PLD5: variants seen among roughly 807,000 people sequenced by gnomAD.
PLD5 encodes phospholipase D family member 5.
In PLD5, 36 loss-of-function variants were observed where a neutral mutation model predicts 61.1. The ratio of observed to expected loss-of-function variants is 0.59; its 90% CI spans 0.45 to 0.78. The LOEUF (loss-of-function observed/expected upper bound fraction) is 0.78. PLD5 is among the 30% of genes least tolerant of loss of function. PLD5 has a pLI of 0.00. For missense variants in PLD5, 515 were observed against 644.4 expected, an observed-to-expected ratio of 0.80 and a Z score of 2.17; for synonymous variants, 243 against 242.8, an observed-to-expected ratio of 1.00 and a Z score of -0.01.
At chr1:242,398,752 CA>C (rs1450783519) in intron 1 of PLD5, among the ~76,000 whole-genome samples, 1 of 152,164 alleles carries the variant, frequency 6.6e-6, no homozygotes, top group Non-Finnish European at 1.5e-5. Flanking sequence ...AGAAAATATG[CA>C]AAAGCCTTTT....
At chr1:242,247,172 C>T (rs953071291) in intron 4 of PLD5, among the ~76,000 whole-genome samples, 18 of 151,980 alleles carry the variant, frequency 1.2e-4, no homozygotes, top group African/African-American at 2.9e-4. Flanking sequence ...TTAGTAGAGA[C>T]GGGGTTTCAC....
intron 1 of PLD5, among the ~76,000 whole-genome samples, chr1:242,443,693 G>A (rs991489157): frequency 6.6e-6 from 1 of 152,138 alleles, no homozygotes; most frequent in Admixed American, 6.6e-5. Context: ...AGAAAGTTTT[G>A]CTATTATTCT....
intron 5 of PLD5, among the ~76,000 whole-genome samples, chr1:242,145,262 C>A (rs1053341784): frequency 1.3e-5 from 2 of 152,152 alleles, no homozygotes; most frequent in African/African-American, 4.8e-5. Context: ...TGAGAACCAT[C>A]TCACAGAAAT....
Position 242,287,768 on chromosome 1 carries a change from T to C in PLD5, c.495+594A>G, listed in dbSNP as rs181351306. Among the ~76,000 whole-genome samples the C allele has an allele frequency of 3.6e-3, 546 of 152,360 alleles. 1 individual carries two copies. The highest frequency in any genetic ancestry group is 0.013 in the African/African-American group (523 of 41,586). On this transcript the variant is annotated intron_variant, in intron 3 of 9. Coordinates refer to ENST00000536534, the MANE Select transcript of PLD5 (RefSeq NM_001372062.1). Reference sequence around the variant, plus strand: ...ATTTTCTTACACCCAGAGCATTTTATTCAGAAATTGTTTAGATCATTAAGT... The same window carrying C: ...ATTTTCTTACACCCAGAGCATTTTACTCAGAAATTGTTTAGATCATTAAGT...
chr1:242,225,630 G>T (rs1192067841), intron 4 of PLD5, among the ~76,000 whole-genome samples: 1 of 151,298 alleles, frequency 6.6e-6, no homozygotes, highest in African/African-American at 2.4e-5. Context: ...CCTTGCTGTT[G>T]AGTGATATTT....
chr1:242,418,200 A>T (rs1424568775), intron 1 of PLD5, among the ~76,000 whole-genome samples: 1 of 152,214 alleles, frequency 6.6e-6, no homozygotes, highest in Non-Finnish European at 1.5e-5. Context: ...AACAGAGTCA[A>T]GAAAAACCCT....
At chr1:242,128,283 C>T (rs942389454) in intron 5 of PLD5, among the ~76,000 whole-genome samples, 2 of 148,612 alleles carry the variant, frequency 1.3e-5, no homozygotes, top group Non-Finnish European at 3.0e-5. Flanking sequence ...CTAGCCTGGG[C>T]AACAGAGCAA....
At position 242,434,683 on chromosome 1, in the gene PLD5, G is replaced by A. The variant is rs139376365; in HGVS notation, c.190-86441C>T. Among the ~76,000 whole-genome samples the A allele has an allele frequency of 2.6e-4, 40 of 152,022 alleles. 1 individual carries two copies. The East Asian group carries it at 7.4e-3, about 28-fold the overall frequency. On this transcript the variant is annotated intron_variant, in intron 1 of 9. Coordinates refer to ENST00000536534, the MANE Select transcript of PLD5 (RefSeq NM_001372062.1). Reference sequence around the variant, plus strand: ...GGCTAGAGTGTAGTGGTGCAATCTCGGCTCACTGCAAGCTCCGCCTCCCAG... The same window carrying A: ...GGCTAGAGTGTAGTGGTGCAATCTCAGCTCACTGCAAGCTCCGCCTCCCAG...
At chr1:242,504,905 C>T (rs1668671946) in intron 1 of PLD5, among the ~76,000 whole-genome samples, 1 of 152,086 alleles carries the variant, frequency 6.6e-6, no homozygotes, top group East Asian at 1.9e-4. Flanking sequence ...CCTGCAATTC[C>T]AGTACTTTGG....
chr1:242,314,820 CT>C (rs1293936816), intron 2 of PLD5, among the ~76,000 whole-genome samples: 44 of 147,214 alleles, frequency 3.0e-4, no homozygotes, highest in South Asian at 8.7e-4. Context: ...TGATCACAAG[CT>C]TTTTTTTTTT....
intron 1 of PLD5, among the ~76,000 whole-genome samples, chr1:242,460,637 A>T (rs1667088899): frequency 6.6e-6 from 1 of 152,078 alleles, no homozygotes; most frequent in Admixed American, 6.5e-5. Context: ...ACATACATAC[A>T]TACACACACA....
chr1:242,123,514 C>T (rs1217287527), intron 6 of PLD5, among the ~76,000 whole-genome samples: 1 of 152,102 alleles, frequency 6.6e-6, no homozygotes, highest in African/African-American at 2.4e-5. Flanking sequence ...TGGGACCACT[C>T]ACACACACAT....
chr1:242,266,132 T>A (rs1286722372), intron 3 of PLD5, among the ~76,000 whole-genome samples: 1 of 152,206 alleles, frequency 6.6e-6, no homozygotes, highest in Non-Finnish European at 1.5e-5. Flanking sequence ...TCCCAGAACT[T>A]TGGGAGGCTG....
chr1:242,177,773 G>A (rs900365805), intron 5 of PLD5: 3 of 152,162 alleles, frequency 2.0e-5, no homozygotes, highest in African/African-American at 7.2e-5. Context: ...AAGCTAGCAA[G>A]GCCTCCAGAC....
chr1:242,098,392 C>T (rs981941381), intron 9 of PLD5, among the ~76,000 whole-genome samples: 1 of 152,160 alleles, frequency 6.6e-6, no homozygotes, highest in African/African-American at 2.4e-5. Context: ...GTTCTCATGC[C>T]GTGGTTTTCA....
In PLD5 at chr1:242,157,927, C is replaced by T. The variant is rs181632453; in HGVS notation, c.736-33262G>A. Among the ~76,000 whole-genome samples, 875 of 152,328 alleles carry T rather than the reference C, an allele frequency of 5.7e-3. 8 individuals are homozygous for T. The highest frequency in any genetic ancestry group is 7.5e-3 in the Non-Finnish European group (512 of 68,038). ...AAGCTGTGCCCACAGCTGTCCCTTC[C>T]CCCAGGTGCCCTGTCCCAGGGGAGT... On this transcript the variant is annotated intron_variant, in intron 5 of 9. Coordinates refer to ENST00000536534, the MANE Select transcript of PLD5 (RefSeq NM_001372062.1).
chr1:242,255,530 T>A (rs183186693), intron 4 of PLD5, among the ~76,000 whole-genome samples: 3 of 152,352 alleles, frequency 2.0e-5, no homozygotes, highest in Admixed American at 6.5e-5. Flanking sequence ...CACACCAACA[T>A]GGCATGTGTA....
chr1:242,354,544 G>T (rs2262119), intron 1 of PLD5, among the ~76,000 whole-genome samples: 1 of 151,972 alleles, frequency 6.6e-6, no homozygotes, highest in Non-Finnish European at 1.5e-5. Context: ...CCCAATCTGG[G>T]GTCTTCTGTC....
At chr1:242,138,089 A>G (rs1663883390) in intron 5 of PLD5, among the ~76,000 whole-genome samples, 1 of 152,170 alleles carries the variant, frequency 6.6e-6, no homozygotes, top group Admixed American at 6.6e-5. Flanking sequence ...AATTTTGCCA[A>G]TCTTACAAGC....
Sources: gnomAD v4.1 joint callset for allele counts (sites outside exome capture counted in the v4.1 genomes callset) on GRCh38, gnomAD v4.1.1 for gene constraint, MANE v1.5 for transcripts, NCBI Gene and HGNC (gene_info 2026-07-23, HGNC 2026-07-21) for gene names.